Variants in DEFB125 observed in about 807,000 individuals in gnomAD.
The protein encoded by DEFB125 is defensin beta 125.
Under a neutral mutation model 11.8 loss-of-function variants are expected in DEFB125, and 11 were observed. The observed-to-expected ratio is 0.94, with a 90% CI of 0.59 to 1.55. The LOEUF is 1.55. DEFB125 is among the 40% of genes most tolerant of loss of function. DEFB125 has a pLI of 0.00. For missense variants in DEFB125, 198 were observed against 191.2 expected (o/e 1.04, Z -0.21); for synonymous variants, 79 against 66.7 (o/e 1.18, Z -0.90).
At chr20:94,079 AGTT>A (rs2054506034) in intron 1 of DEFB125, among the ~76,000 whole-genome samples, 1 of 113,398 alleles carries the variant, frequency 8.8e-6, no homozygotes, top group Non-Finnish European at 1.8e-5. Context: ...CATTTTTTTA[AGTT>A]TTTTGGTTTT....
intron 1 of DEFB125, among the ~76,000 whole-genome samples, chr20:95,659 C>A (rs1224526737): frequency 2.6e-5 from 4 of 152,118 alleles, no homozygotes; most frequent in Non-Finnish European, 4.4e-5. Context: ...AGGAATGATA[C>A]CAGCTCTTCT....
intron 1 of DEFB125, among the ~76,000 whole-genome samples, chr20:91,527 G>C (rs1241002989): frequency 6.6e-6 from 1 of 152,146 alleles, no homozygotes; most frequent in Non-Finnish European, 1.5e-5. Flanking sequence ...CTGCTAGAAA[G>C]TCAGCTCCAT....
chr20:93,901 T>C (rs747997320), intron 1 of DEFB125, among the ~76,000 whole-genome samples: 6 of 148,724 alleles, frequency 4.0e-5, no homozygotes, highest in Non-Finnish European at 9.0e-5. Flanking sequence ...GGCTTGGTAA[T>C]ATTTTTTTTT....
At chr20:87,915 T>A (rs1311662940) in intron 1 of DEFB125, 148 bp downstream of exon 1, 4 of 780,978 alleles carry the variant, frequency 5.1e-6, no homozygotes, top group East Asian at 5.1e-5. Flanking sequence ...GGCAGCTCCA[T>A]GCCCCTAGTC....
chr20:89,111 A>G (rs778604636), intron 1 of DEFB125, among the ~76,000 whole-genome samples: 31 of 152,184 alleles, frequency 2.0e-4, no homozygotes, highest in Non-Finnish European at 4.3e-4. Flanking sequence ...CCAGTCCATT[A>G]GATTTCTAAA....
At chr20:88,010 T>C (rs1041298584) in intron 1 of DEFB125, among the ~76,000 whole-genome samples, 1 of 152,160 alleles carries the variant, frequency 6.6e-6, no homozygotes, top group Non-Finnish European at 1.5e-5. Context: ...TCCTTAATGC[T>C]CTGAGCCACC....
intron 1 of DEFB125, among the ~76,000 whole-genome samples, chr20:91,310 G>C (rs1024946739): frequency 2.6e-5 from 4 of 152,068 alleles, no homozygotes; most frequent in African/African-American, 9.7e-5. Flanking sequence ...AAGCTTTTTA[G>C]TTTGATGTAA....
At position 96,257 on chromosome 20, in the gene DEFB125, C is replaced by T. The variant is rs578173037; in HGVS notation, c.311C>T (p.Thr104Ile). Residue 104 changes from threonine to isoleucine, a missense_variant, in exon 2 of 2, where the codon ACA becomes ATA. Physicochemically the swap from Thr to Ile is moderately conservative, Grantham distance 89 (BLOSUM62 -1). Coordinates refer to ENST00000382410, the MANE Select transcript of DEFB125 (RefSeq NM_153325.4). ...SMLNDLITFD[T>I]TKFGETMTPE... ...TTGAATGATCTGATAACATTTGACA[C>T]AACTAAATTTGGAGAAACCATGACA... 12 of 1,614,114 alleles carry T rather than the reference C, an allele frequency of 7.4e-6. No homozygotes were observed. In the South Asian group the frequency reaches 1.1e-4, roughly 15 times the overall value.
Position 96,105 on chromosome 20 carries a change from A to G in DEFB125, c.159A>G (p.Leu53=). The change falls in exon 2 of 2, where the codon CTA becomes CTG. Residue 53 remains leucine (L), a synonymous_variant. Coordinates refer to ENST00000382410, the MANE Select transcript of DEFB125 (RefSeq NM_153325.4). ...ACATACTTCTTTGTAGGAACAAGCT[A>G]TCATGCTGCATTTCTATAATATCAC... is the stretch of plus-strand genomic sequence containing the variant. ...ERYILLCRNK[L]SCCISIISHE... is the part of the protein sequence containing the mutation. 6.2e-7 allele frequency: 1 copy of G among 1,614,184 alleles called. No homozygotes were observed. The highest frequency in any genetic ancestry group is 8.5e-7 in the Non-Finnish European group (1 of 1,180,038).
intron 1 of DEFB125, among the ~76,000 whole-genome samples, chr20:92,518 G>A (rs1054771640): frequency 4.6e-5 from 7 of 151,056 alleles, no homozygotes; most frequent in Admixed American, 2.6e-4. Flanking sequence ...TCAGCCTCCC[G>A]AGTAGCTGGG....
Position 96,469 on chromosome 20 carries a change from T to C in DEFB125, c.*52T>C. 1.9e-6 allele frequency: 3 copies of C among 1,542,934 alleles called. No homozygotes were observed. Among genetic ancestry groups the C allele is most frequent in the Non-Finnish European group, 2.6e-6 (3 of 1,149,088 alleles). On this transcript the variant is annotated 3_prime_UTR_variant, in exon 2 of 2. Transcript: ENST00000382410. Reference sequence around the variant, plus strand: ...ACTAGAAATACTGCTGGAAATAATATCCAAAGAGCTGATTCTACCAATCCA... The same window carrying C: ...ACTAGAAATACTGCTGGAAATAATACCCAAAGAGCTGATTCTACCAATCCA...
chr20:89,757 T>G (rs186654336), intron 1 of DEFB125, among the ~76,000 whole-genome samples: 42 of 152,074 alleles, frequency 2.8e-4, no homozygotes, highest in Non-Finnish European at 4.6e-4. Context: ...TATTTAATTT[T>G]TATTTATGTC....
At chr20:89,993 A>T (rs1171175046) in intron 1 of DEFB125, among the ~76,000 whole-genome samples, 1 of 152,162 alleles carries the variant, frequency 6.6e-6, no homozygotes, top group Non-Finnish European at 1.5e-5. Flanking sequence ...ATAGCACCTG[A>T]TGGCTTGTGA....
chr20:96,683 TATG>T lies in DEFB125; in HGVS notation c.*268_*270del. ...TGTCTTCCTCCGATGTACTCAAATA[TATG>T]AGCTAATTTTTGTCTTAAGTGAACA... On this transcript the variant is annotated 3_prime_UTR_variant, in exon 2 of 2. Coordinates refer to ENST00000382410, the MANE Select transcript of DEFB125 (RefSeq NM_153325.4). 2.6e-6 allele frequency: 1 copy of T among 383,028 alleles called. No homozygotes were observed. The highest frequency in any genetic ancestry group is 4.6e-6 in the Non-Finnish European group (1 of 215,264). 23.7% of individuals were successfully genotyped at this position (383,028 alleles called of 1,614,324 possible).
chr20:93,011 C>T (rs1482439917), intron 1 of DEFB125, among the ~76,000 whole-genome samples: 1 of 147,896 alleles, frequency 6.8e-6, no homozygotes, highest in Non-Finnish European at 1.5e-5. Flanking sequence ...GCTCTTGTTG[C>T]CCAGGCTGGA....
At chr20:92,130 A>C (rs985897274) in intron 1 of DEFB125, among the ~76,000 whole-genome samples, 1 of 152,184 alleles carries the variant, frequency 6.6e-6, no homozygotes, top group Non-Finnish European at 1.5e-5. Flanking sequence ...GGTTGTTTAG[A>C]AAATTACTTG....
chr20:89,124 T>C (rs574234383), intron 1 of DEFB125, among the ~76,000 whole-genome samples: 1 of 152,356 alleles, frequency 6.6e-6, no homozygotes, highest in African/African-American at 2.4e-5. Flanking sequence ...TTTCTAAACT[T>C]TCTTAATTAT....
chr20:92,349 C>T (rs1228333510), intron 1 of DEFB125, among the ~76,000 whole-genome samples: 1 of 151,558 alleles, frequency 6.6e-6, no homozygotes, highest in Non-Finnish European at 1.5e-5. Flanking sequence ...AGTAGTCACA[C>T]TGCTTGGAAA....
chr20:95,308 T>A (rs2054510803), intron 1 of DEFB125, among the ~76,000 whole-genome samples: 1 of 152,148 alleles, frequency 6.6e-6, no homozygotes, highest in Non-Finnish European at 1.5e-5. Flanking sequence ...CTAGTCCTCT[T>A]TTTTTCTCAT....
Sources: gnomAD v4.1 joint callset for allele counts (sites outside exome capture counted in the v4.1 genomes callset) on GRCh38, gnomAD v4.1.1 for gene constraint, MANE v1.5 for transcripts, NCBI Gene and HGNC (gene_info 2026-07-23, HGNC 2026-07-21) for gene names.